Variants in GRM7 observed in about 807,000 individuals in gnomAD.
GRM7 encodes metabotropic glutamate receptor 7.
Under a neutral mutation model 84.5 loss-of-function variants are expected in GRM7, and 35 were observed. The ratio of observed to expected loss-of-function variants is 0.41; its 90% CI spans 0.32 to 0.55. The LOEUF (loss-of-function observed/expected upper bound fraction) is 0.55. Ranked by LOEUF, GRM7 falls within the 20% of genes least tolerant of loss-of-function variation. The pLI, the probability that GRM7 is intolerant of heterozygous loss-of-function variation, is 0.19. For missense variants in GRM7, 1,003 were observed against 1,194.6 expected (o/e 0.84, Z 2.36); for synonymous variants, 487 against 455.1 (o/e 1.07, Z -0.89).
At chr3:7,451,210 C>T (rs1697753301) in intron 5 of GRM7, among the ~76,000 whole-genome samples, 2 of 152,128 alleles carry the variant, frequency 1.3e-5, no homozygotes, top group African/African-American at 4.8e-5. Context: ...TTAATGAATG[C>T]ATAATTTAAT....
chr3:7,734,211 C>G (rs2106529075), intron 9 of GRM7, among the ~76,000 whole-genome samples: 1 of 137,530 alleles, frequency 7.3e-6, no homozygotes. Context: ...CCCTTATTCA[C>G]CATTAGGAAG....
intron 8 of GRM7, among the ~76,000 whole-genome samples, chr3:7,638,939 A>T (rs190526763): frequency 4.5e-4 from 69 of 152,326 alleles, no homozygotes; most frequent in Middle Eastern, 3.4e-3. Flanking sequence ...CCAGCTGTTG[A>T]ATATGTGTCC....
intron 2 of GRM7, among the ~76,000 whole-genome samples, chr3:7,286,810 A>G (rs1424960585): frequency 6.6e-6 from 1 of 152,144 alleles, no homozygotes; most frequent in African/African-American, 2.4e-5. Context: ...TCCTCTTTTG[A>G]GTACACTCTG....
intron 4 of GRM7, among the ~76,000 whole-genome samples, chr3:7,352,081 ACACACACACACACACACACT>A (rs1693185401): frequency 6.6e-6 from 1 of 150,540 alleles, no homozygotes; most frequent in Non-Finnish European, 1.5e-5. Context: ...ACACACACAC[ACACACACACACACACACACT>A]CATATTCTAT....
chr3:7,192,100 A>G (rs559251955), intron 2 of GRM7, among the ~76,000 whole-genome samples: 19 of 152,224 alleles, frequency 1.2e-4, no homozygotes, highest in African/African-American at 4.6e-4. Context: ...ATGCGAGCTA[A>G]GGCTGGATGA....
chr3:7,436,250 T>C (rs1172833916), intron 5 of GRM7, among the ~76,000 whole-genome samples: 1 of 152,198 alleles, frequency 6.6e-6, no homozygotes, highest in East Asian at 1.9e-4. Flanking sequence ...TCCCTCTTTC[T>C]GGTAACTTTT....
At chr3:7,667,269 TAA>T (rs111517177) in intron 8 of GRM7, among the ~76,000 whole-genome samples, 1 of 140,782 alleles carries the variant, frequency 7.1e-6, no homozygotes, top group Non-Finnish European at 1.5e-5. Flanking sequence ...CCCTGTCTGT[TAA>T]AAAAAAAAAA....
intron 1 of GRM7, among the ~76,000 whole-genome samples, chr3:7,028,583 C>G (rs1216172839): frequency 6.6e-6 from 1 of 152,054 alleles, no homozygotes; most frequent in Non-Finnish European, 1.5e-5. Flanking sequence ...ATATATGAAA[C>G]AATGATTTTC....
intron 1 of GRM7, among the ~76,000 whole-genome samples, chr3:6,894,554 G>T (rs964874143): frequency 6.6e-6 from 1 of 151,598 alleles, no homozygotes; most frequent in African/African-American, 2.4e-5. Flanking sequence ...CATCTCTATA[G>T]GTGTATATAT....
At position 7,245,186 on chromosome 3, in the gene GRM7, G is replaced by C. The variant is rs1697711339; in HGVS notation, c.737-53498G>C. Among the ~76,000 whole-genome samples the C allele has an allele frequency of 1.3e-5, 2 of 151,924 alleles. 1 individual carries two copies. Among genetic ancestry groups the C allele is most frequent in the South Asian group, 4.1e-4 (2 of 4,828 alleles). On this transcript the variant is annotated intron_variant, in intron 2 of 9. Transcript: ENST00000357716. Reference sequence around the variant, plus strand: ...CCTGTGAGATAATATCAAGTAGCATGACATACCCGGACTCCCTAAAGGGTA... The same window carrying C: ...CCTGTGAGATAATATCAAGTAGCATCACATACCCGGACTCCCTAAAGGGTA...
chr3:7,313,997 C>T (rs1197633553), intron 4 of GRM7, among the ~76,000 whole-genome samples: 1 of 151,744 alleles, frequency 6.6e-6, no homozygotes, highest in African/African-American at 2.4e-5. Context: ...ATATTGATAT[C>T]CTGAATTTTA....
intron 5 of GRM7, among the ~76,000 whole-genome samples, chr3:7,422,912 C>T (rs1234488994): frequency 6.6e-6 from 1 of 152,096 alleles, no homozygotes; most frequent in Non-Finnish European, 1.5e-5. Flanking sequence ...TACCATATGA[C>T]ACTAACCGAA....
chr3:7,209,904 T>C (rs1696365001), intron 2 of GRM7, among the ~76,000 whole-genome samples: 1 of 152,128 alleles, frequency 6.6e-6, no homozygotes, highest in Non-Finnish European at 1.5e-5. Context: ...GAGGCCTGTC[T>C]CACCTCTCAA....
At chr3:7,595,595 T>C (rs1249327729) in intron 8 of GRM7, among the ~76,000 whole-genome samples, 1 of 151,992 alleles carries the variant, frequency 6.6e-6, no homozygotes, top group African/African-American at 2.4e-5. Context: ...TGCTGTGATA[T>C]GGTGGGAAGG....
Position 7,258,233 on chromosome 3 carries a change from G to A in GRM7, c.737-40451G>A, listed in dbSNP as rs185564271. Among the ~76,000 whole-genome samples the A allele has an allele frequency of 8.4e-4, 128 of 152,032 alleles. 1 individual carries two copies. The highest frequency in any genetic ancestry group is 3.1e-3 in the African/African-American group (127 of 41,444). On this transcript the variant is annotated intron_variant, in intron 2 of 9. Coordinates refer to ENST00000357716, the MANE Select transcript of GRM7 (RefSeq NM_000844.4). ...GTGTTCTACCACTGCCCCATTTCTT[G>A]GCTAGTTCCCTTTTTCTTACTTCAT... is the stretch of plus-strand genomic sequence containing the variant.
intron 1 of GRM7, among the ~76,000 whole-genome samples, chr3:6,894,390 T>A (rs1356735794): frequency 3.3e-5 from 5 of 152,166 alleles, no homozygotes; most frequent in Non-Finnish European, 5.9e-5. Context: ...CAAATCCCAC[T>A]TCTAGCTAAT....
intron 7 of GRM7, among the ~76,000 whole-genome samples, chr3:7,499,454 C>G (rs1475782079): frequency 6.6e-6 from 1 of 152,124 alleles, no homozygotes; most frequent in Non-Finnish European, 1.5e-5. Flanking sequence ...GATAGAGTAA[C>G]TTCATTTATA....
intron 5 of GRM7, among the ~76,000 whole-genome samples, chr3:7,440,192 A>G (rs1697230501): frequency 6.6e-6 from 1 of 152,158 alleles, no homozygotes; most frequent in Non-Finnish European, 1.5e-5. Flanking sequence ...AATGTTCTAG[A>G]GGAGGGAAGT....
chr3:7,201,642 A>G (rs147640576), intron 2 of GRM7, among the ~76,000 whole-genome samples: 31 of 152,218 alleles, frequency 2.0e-4, no homozygotes, highest in African/African-American at 7.5e-4. Flanking sequence ...CCTGTAATAC[A>G]CTAAGTAATC....
Sources: allele counts gnomAD v4.1 joint callset (sites outside exome capture counted in the v4.1 genomes callset), GRCh38; gene constraint gnomAD v4.1.1; transcripts MANE v1.5; gene names NCBI Gene and HGNC (gene_info 2026-07-23, HGNC 2026-07-21).